The following ABLIM3 variants were observed in gnomAD, a reference collection of about 807,000 sequenced individuals.
The protein encoded by ABLIM3 is actin binding LIM protein family member 3, also known as actin-binding LIM protein 3.
A neutral mutation model predicts 109.5 loss-of-function variants in ABLIM3; 61 were observed. The observed-to-expected ratio is 0.56, with a 90% CI of 0.45 to 0.69. The LOEUF is 0.69. ABLIM3 is among the 30% of genes least tolerant of loss of function. ABLIM3 has a pLI of 0.00. For synonymous variants in ABLIM3, 300 were observed against 324.8 expected, an observed-to-expected ratio of 0.92 and a Z score of 0.82; for missense variants, 796 against 889.5, an observed-to-expected ratio of 0.89 and a Z score of 1.34.
chr5:149,196,181 T>C (rs1757960392), intron 3 of ABLIM3, among the ~76,000 whole-genome samples: 1 of 152,168 alleles, frequency 6.6e-6, no homozygotes, highest in Non-Finnish European at 1.5e-5. Context: ...TGAAGCTGCC[T>C]TCTCCTCACT....
At chr5:149,185,135 A>G (rs1048455533) in intron 3 of ABLIM3, among the ~76,000 whole-genome samples, 1 of 152,212 alleles carries the variant, frequency 6.6e-6, no homozygotes, top group African/African-American at 2.4e-5. Flanking sequence ...TACTTAAGCA[A>G]AAACTTAATA....
intron 2 of ABLIM3, among the ~76,000 whole-genome samples, chr5:149,181,862 A>G (rs976285246): frequency 1.3e-5 from 2 of 152,234 alleles, no homozygotes; most frequent in Non-Finnish European, 2.9e-5. Flanking sequence ...ATAGAGGTTT[A>G]TGATGGGTTA....
At chr5:149,151,729 C>G (rs914615695) in intron 2 of ABLIM3, among the ~76,000 whole-genome samples, 1 of 152,226 alleles carries the variant, frequency 6.6e-6, no homozygotes, top group Non-Finnish European at 1.5e-5. Flanking sequence ...TTCCACCCCA[C>G]CTGGTCATTT....
chr5:149,200,971 A>G (rs1321773574), intron 5 of ABLIM3, among the ~76,000 whole-genome samples: 1 of 152,180 alleles, frequency 6.6e-6, no homozygotes, highest in East Asian at 1.9e-4. Flanking sequence ...CTAGGAATCA[A>G]CATTCCCAGT....
intron 18 of ABLIM3, among the ~76,000 whole-genome samples, chr5:149,248,458 G>A (rs956034896): frequency 3.9e-5 from 6 of 152,054 alleles, no homozygotes; most frequent in South Asian, 4.1e-4. Flanking sequence ...TTAGGAGGCC[G>A]AGGCGGGCAG....
intron 2 of ABLIM3, among the ~76,000 whole-genome samples, chr5:149,154,880 C>T (rs1476370490): frequency 3.3e-5 from 5 of 152,134 alleles, no homozygotes; most frequent in Non-Finnish European, 5.9e-5. Flanking sequence ...AGCCCACTTA[C>T]GCTTCACAAG....
chr5:149,238,016 G>A (rs1368336954), intron 11 of ABLIM3, among the ~76,000 whole-genome samples: 3 of 152,130 alleles, frequency 2.0e-5, no homozygotes, highest in Non-Finnish European at 2.9e-5. Flanking sequence ...CTCCTGCCAG[G>A]CTCAGTGGCC....
chr5:149,174,671 C>G (rs2127465010), intron 2 of ABLIM3: 1 of 152,344 alleles, frequency 6.6e-6, no homozygotes, highest in Admixed American at 6.5e-5. Flanking sequence ...GGCAGTCCCT[C>G]CTCTTTCCTT....
rs528300499 is a variant in ABLIM3, at chr5:149,192,818, T to C, written c.152-5401T>C. Among the ~76,000 whole-genome samples, 5 of 145,158 alleles carry C rather than the reference T, an allele frequency of 3.4e-5. No homozygotes were observed. In the East Asian group the frequency reaches 9.6e-4, roughly 28 times the overall value. On this transcript the variant is annotated intron_variant, in intron 3 of 23. Coordinates refer to ENST00000309868, the MANE Select transcript of ABLIM3 (RefSeq NM_014945.5). ...GTGCAGAACATCAATGTAGTATTAT[T>C]CCTAAAAAGAAAAAAATAATCAGAC...
At chr5:149,185,303 T>A (rs1756852821) in intron 3 of ABLIM3, among the ~76,000 whole-genome samples, 1 of 152,154 alleles carries the variant, frequency 6.6e-6, no homozygotes, top group Non-Finnish European at 1.5e-5. Context: ...AACCCCAGTG[T>A]CTCCACATAG....
At position 149,183,602 on chromosome 5, in the gene ABLIM3, G is replaced by C; in HGVS notation, c.151+13G>C. On this transcript the variant is annotated intron_variant, in intron 3 of 23. Coordinates refer to ENST00000309868, the MANE Select transcript of ABLIM3 (RefSeq NM_014945.5). ...TTCACCTGTCAAGGTAGGAGGCTCA[G>C]CTCCCCCACTCTCTTCTTAGATTCC... 2 of 1,519,436 alleles carry C rather than the reference G, an allele frequency of 1.3e-6. No homozygotes were observed. Among genetic ancestry groups the C allele is most frequent in the South Asian group, 2.6e-5 (2 of 76,004 alleles). 94.1% of individuals were successfully genotyped at this position (1,519,436 alleles called of 1,614,324 possible).
chr5:149,150,286 C>T (rs1172570868), intron 2 of ABLIM3, among the ~76,000 whole-genome samples: 3 of 152,188 alleles, frequency 2.0e-5, no homozygotes, highest in Non-Finnish European at 4.4e-5. Flanking sequence ...TCCCTGAAGA[C>T]AGGATCCTGA....
Position 149,250,538 on chromosome 5 carries a change from G to A in ABLIM3, c.1788+33G>A, listed in dbSNP as rs188049308. On this transcript the variant is annotated intron_variant, in intron 20 of 23. Coordinates refer to ENST00000309868, the MANE Select transcript of ABLIM3 (RefSeq NM_014945.5). ...GCTGTGCTGGAGGATGGGGGAGGAC[G>A]TTGTCCCCAAAATGCTAATAAACCC... The A allele has an allele frequency of 2.9e-5, 46 of 1,612,384 alleles. No homozygotes were observed. The African/African-American group carries it at 4.1e-4, about 14-fold the overall frequency.
chr5:149,236,176 G>A lies in ABLIM3; in HGVS notation c.889-1272G>A, dbSNP rs551886324. Among the ~76,000 whole-genome samples the A allele has an allele frequency of 3.9e-5, 6 of 152,322 alleles. No homozygotes were observed. The South Asian group carries it at 1.0e-3, about 26-fold the overall frequency. On this transcript the variant is annotated intron_variant, in intron 10 of 23. Transcript: ENST00000309868. ...TGTTCAGGACATAGATCCAGGCAAG[G>A]AAGGGTGGACACTGGGTCTAGGGGC...
chr5:149,203,819 A>G (rs1410615610), intron 5 of ABLIM3, among the ~76,000 whole-genome samples: 1 of 152,222 alleles, frequency 6.6e-6, no homozygotes, highest in African/African-American at 2.4e-5. Flanking sequence ...CACCTCACTA[A>G]GTGTTTTATA....
At chr5:149,213,055 A>G (rs559890075) in intron 7 of ABLIM3, among the ~76,000 whole-genome samples, 46 of 152,162 alleles carry the variant, frequency 3.0e-4, no homozygotes, top group Non-Finnish European at 5.4e-4. Flanking sequence ...GGAGGTTGCA[A>G]TAAGTTGAGA....
At chr5:149,188,838 G>A (rs773167202) in intron 3 of ABLIM3, among the ~76,000 whole-genome samples, 1 of 152,168 alleles carries the variant, frequency 6.6e-6, no homozygotes, top group Admixed American at 6.5e-5. Flanking sequence ...ATCTCAGCTG[G>A]CTTCTTTGCC....
intron 3 of ABLIM3, among the ~76,000 whole-genome samples, chr5:149,185,581 G>A (rs1469349832): frequency 2.0e-5 from 3 of 152,044 alleles, no homozygotes; most frequent in African/African-American, 7.2e-5. Flanking sequence ...TTTACCACAC[G>A]GAGTTTGTAG....
At chr5:149,148,823 A>G (rs556620262) in intron 2 of ABLIM3, among the ~76,000 whole-genome samples, 1 of 152,184 alleles carries the variant, frequency 6.6e-6, no homozygotes, top group South Asian at 2.1e-4. Flanking sequence ...CTTTACATGC[A>G]TGGTTCCTTC....
Sources: gnomAD v4.1 joint callset for allele counts (sites outside exome capture counted in the v4.1 genomes callset) on GRCh38, gnomAD v4.1.1 for gene constraint, MANE v1.5 for transcripts, NCBI Gene and HGNC (gene_info 2026-07-23, HGNC 2026-07-21) for gene names.